KMT2C: variants seen among roughly 807,000 people sequenced by gnomAD.
The protein encoded by KMT2C is histone-lysine N-methyltransferase 2C.
In KMT2C, 88 loss-of-function variants were observed where a neutral mutation model predicts 507.9. The ratio of observed to expected loss-of-function variants is 0.17; its 90% CI spans 0.15 to 0.21. KMT2C has a LOEUF of 0.21. Ranked by LOEUF, KMT2C falls within the 10% of genes least tolerant of loss-of-function variation. KMT2C has a pLI of 1.00. For missense variants in KMT2C, 4,954 were observed against 5,957.8 expected (o/e 0.83, Z 5.55); for synonymous variants, 2,049 against 2,080.8 (o/e 0.98, Z 0.42).
At chr7:152,178,043 G>T in intron 37 of KMT2C, 33 bp from the exon 38 acceptor site, 3 of 627,172 alleles carry the variant, frequency 4.8e-6, no homozygotes, top group Non-Finnish European at 6.6e-6. Context: ...AAAAAAAAAA[G>T]CAAATAGGTA....
chr7:152,297,827 T>C (rs1187096793), intron 6 of KMT2C, among the ~76,000 whole-genome samples: 2 of 152,168 alleles, frequency 1.3e-5, no homozygotes, highest in Admixed American at 6.5e-5. Flanking sequence ...ACAATCATGA[T>C]GCAAACTGAA....
chr7:152,164,083 G>A (rs977244113), intron 42 of KMT2C, among the ~76,000 whole-genome samples: 3 of 151,624 alleles, frequency 2.0e-5, no homozygotes, highest in Admixed American at 6.6e-5. Flanking sequence ...TATCAAAAAC[G>A]GTTTAGTAAA....
Position 152,311,824 on chromosome 7 carries a change from T to G in KMT2C, c.713A>C (p.Asp238Ala). 1 of 1,611,002 alleles carries G rather than the reference T, an allele frequency of 6.2e-7. No individual in the cohort carries two copies. The highest frequency in any genetic ancestry group is 8.5e-7 in the Non-Finnish European group (1 of 1,177,768). The change falls in exon 5 of 59, where the codon GAT (aspartate) becomes GCT (alanine). Residue 238 changes from aspartate (D) to alanine (A), a missense_variant. Asp to Ala is a moderately radical substitution (Grantham distance 126). Coordinates refer to ENST00000262189, the MANE Select transcript of KMT2C (RefSeq NM_170606.3). ...LSLVGLPDAI[D>A]IQALFDSTGT... Reference sequence around the variant, plus strand: ...TGTAGAATCAAATAAGGCTTGGATATCAATGGCATCTGGAAGCCCAACCAG... The same window carrying G: ...TGTAGAATCAAATAAGGCTTGGATAGCAATGGCATCTGGAAGCCCAACCAG...
intron 2 of KMT2C, among the ~76,000 whole-genome samples, chr7:152,350,279 T>C (rs1237981805): frequency 2.0e-5 from 3 of 152,168 alleles, no homozygotes; most frequent in African/African-American, 7.2e-5. Context: ...AAATAAAGTC[T>C]ATTTTTAAAA....
chr7:152,392,403 T>C (rs1174811747), intron 1 of KMT2C, among the ~76,000 whole-genome samples: 2 of 152,208 alleles, frequency 1.3e-5, no homozygotes, highest in Non-Finnish European at 2.9e-5. Flanking sequence ...TCCTCTATGC[T>C]GTTTCATAGC....
At position 152,180,030 on chromosome 7, in the gene KMT2C, G is replaced by A; in HGVS notation, c.7246C>T (p.His2416Tyr). The change falls in exon 37 of 59, where the codon CAT (histidine) becomes TAT (tyrosine). Residue 2416 changes from histidine (H) to tyrosine (Y), a missense_variant. Physicochemically the swap from His to Tyr is moderately conservative, Grantham distance 83. Coordinates refer to ENST00000262189, the MANE Select transcript of KMT2C (RefSeq NM_170606.3). ...TGCCAGTGTTGAAGAGGCCCTGGAT[G>A]AGGCACTGCGGGTGAGTCCTGTGAC... ...KGSQDSPAVPHPGPLQHWQPE... is the reference protein window; with the variant it reads ...KGSQDSPAVPYPGPLQHWQPE... 1 of 1,614,174 alleles carries A rather than the reference G, an allele frequency of 6.2e-7. No individual in the cohort carries two copies. Among genetic ancestry groups the A allele is most frequent in the East Asian group, 2.2e-5 (1 of 44,880 alleles).
At chr7:152,226,667 G>T (rs1477804594) in intron 18 of KMT2C, among the ~76,000 whole-genome samples, 1 of 152,158 alleles carries the variant, frequency 6.6e-6, no homozygotes, top group East Asian at 1.9e-4. Context: ...AATGGCCTAG[G>T]GGTAAGATCA....
At chr7:152,301,182 C>G (rs193153799) in intron 6 of KMT2C, among the ~76,000 whole-genome samples, 1 of 145,870 alleles carries the variant, frequency 6.9e-6, no homozygotes, top group Non-Finnish European at 1.5e-5. Context: ...GAAAACAGAG[C>G]AAGACCCTGT....
At chr7:152,290,349 C>T (rs62492952) in intron 6 of KMT2C, among the ~76,000 whole-genome samples, 1 of 123,598 alleles carries the variant, frequency 8.1e-6, no homozygotes, top group Non-Finnish European at 1.6e-5. Flanking sequence ...CTCACTCTGT[C>T]ACCCACGCTG....
At chr7:152,171,114 TG>T (rs1178849879) in intron 40 of KMT2C, 149 bp downstream of exon 40, 13 of 451,120 alleles carry the variant, frequency 2.9e-5, no homozygotes, top group Non-Finnish European at 5.1e-5. Flanking sequence ...TTGCGGTTTT[TG>T]CCACTGGCAA....
intron 2 of KMT2C, among the ~76,000 whole-genome samples, chr7:152,349,598 A>G (rs1563950270): frequency 1.3e-5 from 2 of 152,182 alleles, no homozygotes; most frequent in African/African-American, 4.8e-5. Flanking sequence ...CTATGGAGAC[A>G]GTAAAAAGAA....
In KMT2C at chr7:152,202,979, T is replaced by A; in HGVS notation, c.4047A>T (p.Arg1349=). The change falls in exon 26 of 59, where the codon CGA becomes CGT. Residue 1349 remains arginine, a synonymous_variant. Transcript: ENST00000262189. ...ESTEKIKKRY[R]KRKNKLEETF... ...TTTCTTCAAGCTTATTTTTCCTTTT[T>A]CGGTATCTCTTCTTTATTTTTTCAG... The A allele has an allele frequency of 1.2e-6, 2 of 1,609,614 alleles. No homozygotes were observed. Among genetic ancestry groups the A allele is most frequent in the Non-Finnish European group, 1.7e-6 (2 of 1,177,054 alleles).
chr7:152,353,096 C>T (rs1297704263), intron 2 of KMT2C, among the ~76,000 whole-genome samples: 2 of 152,236 alleles, frequency 1.3e-5, no homozygotes, highest in African/African-American at 2.4e-5. Flanking sequence ...AAAAAAAATG[C>T]GCAGAGACTG....
intron 2 of KMT2C, among the ~76,000 whole-genome samples, chr7:152,352,323 C>G (rs923086335): frequency 2.0e-5 from 3 of 152,170 alleles, no homozygotes; most frequent in Non-Finnish European, 2.9e-5. Flanking sequence ...ACAATGCGTG[C>G]CCGAAACTTC....
intron 31 of KMT2C, among the ~76,000 whole-genome samples, chr7:152,192,783 G>C (rs186980418): frequency 2.2e-4 from 33 of 152,294 alleles, no homozygotes; most frequent in African/African-American, 7.9e-4. Context: ...ACTTACACAA[G>C]AAAAGGAGAA....
intron 27 of KMT2C, among the ~76,000 whole-genome samples, chr7:152,196,216 T>C (rs1038695824): frequency 6.6e-6 from 1 of 152,214 alleles, no homozygotes. Flanking sequence ...CAGACGATTT[T>C]GTCTTGTGAC....
chr7:152,171,106 G>A (rs1211761835), intron 40 of KMT2C, among the ~76,000 whole-genome samples, 158 bp downstream of exon 40: 1 of 152,152 alleles, frequency 6.6e-6, no homozygotes, highest in Non-Finnish European at 1.5e-5. Flanking sequence ...AAAAGTAATT[G>A]CGGTTTTTGC....
chr7:152,314,526 A>G (rs921030257), intron 4 of KMT2C, among the ~76,000 whole-genome samples: 1 of 151,918 alleles, frequency 6.6e-6, no homozygotes, highest in Non-Finnish European at 1.5e-5. Context: ...ACACATCATT[A>G]CAAAAAAAAA....
intron 1 of KMT2C, among the ~76,000 whole-genome samples, chr7:152,422,447 C>CT (rs2097783207): frequency 6.6e-6 from 1 of 151,734 alleles, no homozygotes; most frequent in South Asian, 2.1e-4. Context: ...GAGCAAGACT[C>CT]TGTCTCAAAA....
Sources: allele counts gnomAD v4.1 joint callset (sites outside exome capture counted in the v4.1 genomes callset), GRCh38; gene constraint gnomAD v4.1.1; transcripts MANE v1.5; gene names NCBI Gene and HGNC (gene_info 2026-07-23, HGNC 2026-07-21).